Variants in GALNT13 observed in about 807,000 individuals in gnomAD.
GALNT13 encodes UDP-GalNAc:polypeptide N-acetylgalactosaminyltransferase 13.
In GALNT13, 28 loss-of-function variants were observed where a neutral mutation model predicts 64.2. The ratio of observed to expected loss-of-function variants is 0.44; its 90% CI spans 0.32 to 0.60. The LOEUF is 0.60. GALNT13 is among the 20% of genes least tolerant of loss of function. The probability of loss-of-function intolerance (pLI) is 0.05; values close to 1 mark genes in which losing one functional copy is unlikely to be tolerated. For synonymous variants in GALNT13, 214 were observed against 224.6 expected (o/e 0.95, Z 0.42); for missense variants, 577 against 669.8 (o/e 0.86, Z 1.53).
At chr2:153,087,418 C>G in the GALNT13 span, among the ~76,000 whole-genome samples, 1 of 152,084 alleles carries the variant, frequency 6.6e-6, no homozygotes, top group African/African-American at 2.4e-5. Flanking sequence ...CTATGTTCAT[C>G]AGATAATGGT....
the GALNT13 span, among the ~76,000 whole-genome samples, chr2:153,599,375 C>A: frequency 6.6e-6 from 1 of 152,026 alleles, no homozygotes; most frequent in African/African-American, 2.4e-5. Context: ...TAATCAATCT[C>A]TCTTCATCCT....
the GALNT13 span, among the ~76,000 whole-genome samples, chr2:153,170,517 A>G: frequency 6.6e-6 from 1 of 152,230 alleles, no homozygotes. Context: ...GATTTCTGAC[A>G]ATAGATAGCA....
At chr2:153,395,969 T>G in the GALNT13 span, among the ~76,000 whole-genome samples, 1 of 152,164 alleles carries the variant, frequency 6.6e-6, no homozygotes, top group Admixed American at 6.6e-5. Context: ...GTGGTCCAGA[T>G]GGTCTTTGTC....
At chr2:153,879,213 C>T (rs1431090257) in intron 1 of GALNT13, among the ~76,000 whole-genome samples, 6 of 152,124 alleles carry the variant, frequency 3.9e-5, no homozygotes, top group Non-Finnish European at 7.4e-5. Flanking sequence ...TCATAAAGAC[C>T]TTCAAAAGTA....
chr2:153,794,170 G>A, the GALNT13 span, among the ~76,000 whole-genome samples: 92 of 152,076 alleles, frequency 6.0e-4, no homozygotes, highest in Non-Finnish European at 1.2e-3. Flanking sequence ...ACTTAATTCT[G>A]AGATCTAGGT....
chr2:153,305,955 C>T, the GALNT13 span, among the ~76,000 whole-genome samples: 12 of 152,184 alleles, frequency 7.9e-5, no homozygotes, highest in African/African-American at 2.2e-4. Flanking sequence ...TGTTCTCCCA[C>T]CCAGGAGGGC....
At chr2:153,642,315 A>G in the GALNT13 span, among the ~76,000 whole-genome samples, 2 of 151,842 alleles carry the variant, frequency 1.3e-5, no homozygotes, top group Admixed American at 1.3e-4. Context: ...CATATGCGTG[A>G]GTTACTTTTC....
At chr2:153,353,252 G>T in the GALNT13 span, among the ~76,000 whole-genome samples, 1 of 151,896 alleles carries the variant, frequency 6.6e-6, no homozygotes, top group Non-Finnish European at 1.5e-5. Flanking sequence ...AATTTCACTT[G>T]TTCATTACTG....
At chr2:153,670,924 G>T in the GALNT13 span, among the ~76,000 whole-genome samples, 1 of 152,144 alleles carries the variant, frequency 6.6e-6, no homozygotes, top group East Asian at 1.9e-4. Flanking sequence ...TTCAATAGCT[G>T]ATTTGATTAA....
At chr2:153,121,018 T>A in the GALNT13 span, among the ~76,000 whole-genome samples, 3 of 152,188 alleles carry the variant, frequency 2.0e-5, no homozygotes, top group Non-Finnish European at 2.9e-5. Flanking sequence ...TGTCTATTGT[T>A]AAAGTGCTGC....
intron 4 of GALNT13, among the ~76,000 whole-genome samples, chr2:154,183,681 C>A (rs2105736503): frequency 1.3e-5 from 2 of 152,184 alleles, no homozygotes; most frequent in South Asian, 4.2e-4. Context: ...CACTGCACTC[C>A]AGCCTCGGCA....
chr2:153,785,080 A>G, the GALNT13 span, among the ~76,000 whole-genome samples: 1 of 151,662 alleles, frequency 6.6e-6, no homozygotes, highest in Non-Finnish European at 1.5e-5. Context: ...GTTCCAAACC[A>G]CCTTGGAATG....
intron 11 of GALNT13, among the ~76,000 whole-genome samples, chr2:154,429,566 G>T (rs1033928859): frequency 6.6e-6 from 1 of 152,136 alleles, no homozygotes; most frequent in Admixed American, 6.6e-5. Context: ...ACATAAAAGG[G>T]CAAGGTGAAG....
the GALNT13 span, among the ~76,000 whole-genome samples, chr2:153,269,255 C>CAGGT: frequency 1.4e-4 from 22 of 152,146 alleles, no homozygotes; most frequent in African/African-American, 4.8e-4. Context: ...CAGAATCAGC[C>CAGGT]AGGTAACCTC....
At chr2:154,186,420 G>A (rs1686255977) in intron 4 of GALNT13, among the ~76,000 whole-genome samples, 1 of 152,028 alleles carries the variant, frequency 6.6e-6, no homozygotes, top group Non-Finnish European at 1.5e-5. Flanking sequence ...TCATCTCACA[G>A]AATTTTCAAA....
chr2:153,749,029 T>G, the GALNT13 span, among the ~76,000 whole-genome samples: 1 of 152,074 alleles, frequency 6.6e-6, no homozygotes, highest in African/African-American at 2.4e-5. Flanking sequence ...AGGGTTCTAG[T>G]TTCATTCTTC....
chr2:153,486,283 G>A, the GALNT13 span, among the ~76,000 whole-genome samples: 1 of 152,124 alleles, frequency 6.6e-6, no homozygotes, highest in Non-Finnish European at 1.5e-5. Context: ...CTAAAATGTA[G>A]AGACTGTGTC....
At chr2:154,043,455 TACAC>T (rs1553470480) in intron 3 of GALNT13, among the ~76,000 whole-genome samples, 5 of 104,992 alleles carry the variant, frequency 4.8e-5, no homozygotes, top group East Asian at 6.3e-4. Context: ...TATATATATA[TACAC>T]ACATGTATAC....
At chr2:153,366,716 C>T in the GALNT13 span, among the ~76,000 whole-genome samples, 1 of 136,990 alleles carries the variant, frequency 7.3e-6, no homozygotes, top group South Asian at 2.4e-4. Context: ...TACCAGCACA[C>T]AGGGACACAC....
Sources: allele counts gnomAD v4.1 joint callset (sites outside exome capture counted in the v4.1 genomes callset), GRCh38; gene constraint gnomAD v4.1.1; transcripts MANE v1.5; gene names NCBI Gene and HGNC (gene_info 2026-07-23, HGNC 2026-07-21).